The following SMAD3 variants were observed in gnomAD, a reference collection of about 807,000 sequenced individuals.
SMAD3 encodes the protein MAD homolog 3.
In SMAD3, 12 loss-of-function variants were observed where a neutral mutation model predicts 51.8. The ratio of observed to expected loss-of-function variants is 0.23; its 90% CI spans 0.15 to 0.38. The LOEUF (loss-of-function observed/expected upper bound fraction) is 0.38, where lower values mean the gene tolerates loss of function less well. SMAD3 is among the 10% of genes least tolerant of loss of function. The pLI is 1.00. For missense variants in SMAD3, 294 were observed against 565.6 expected, an observed-to-expected ratio of 0.52 and a Z score of 4.87; for synonymous variants, 238 against 227.7, an observed-to-expected ratio of 1.05 and a Z score of -0.41.
At chr15:67,103,314 T>C (rs1292975441) in intron 1 of SMAD3, among the ~76,000 whole-genome samples, 1 of 152,196 alleles carries the variant, frequency 6.6e-6, no homozygotes, top group East Asian at 1.9e-4. Context: ...CATGGCCTCC[T>C]TGGGACTCAC....
chr15:67,180,701 GT>G (rs1483156283), intron 5 of SMAD3, among the ~76,000 whole-genome samples: 3 of 151,970 alleles, frequency 2.0e-5, no homozygotes, highest in African/African-American at 7.3e-5. Context: ...CAGGCTGGGA[GT>G]TTTTGCCCCC....
rs552544204 is a variant in SMAD3 at position 67,096,744 on chromosome 15, T to C, written c.206+30384T>C. ...CTGACTGGCATCCTGGGGCTGGAGGTCTCAGGCTGGTCTTGCACGTGCAGC... is the reference window on the plus strand; with the variant it reads ...CTGACTGGCATCCTGGGGCTGGAGGCCTCAGGCTGGTCTTGCACGTGCAGC... On this transcript the variant is annotated intron_variant, in intron 1 of 8. Transcript: ENST00000327367. Among the ~76,000 whole-genome samples, 7 of 151,768 alleles carry C rather than the reference T, an allele frequency of 4.6e-5. No homozygotes were observed. The South Asian group carries it at 8.3e-4, about 18-fold the overall frequency.
At chr15:67,113,381 C>T (rs1022679487) in intron 1 of SMAD3, among the ~76,000 whole-genome samples, 5 of 151,906 alleles carry the variant, frequency 3.3e-5, no homozygotes, top group African/African-American at 4.8e-5. Context: ...TAAGCCACTG[C>T]GCCCGGCCTT....
intron 1 of SMAD3, among the ~76,000 whole-genome samples, chr15:67,103,662 G>A (rs1037206584): frequency 8.5e-5 from 13 of 152,152 alleles, no homozygotes; most frequent in African/African-American, 3.1e-4. Context: ...GAATGTGTGT[G>A]GGGTGTGGGC....
intron 3 of SMAD3, 79 bp from the exon 4 acceptor site, chr15:67,166,700 G>A (rs746073044): frequency 4.6e-5 from 41 of 887,888 alleles, no homozygotes; most frequent in Admixed American, 3.4e-4. Flanking sequence ...TGGTGTGCAT[G>A]TGTGATGTCT....
At position 67,165,344 on chromosome 15, in the gene SMAD3, T is replaced by C. The variant is rs1205077419; in HGVS notation, c.492T>C (p.Thr164=). The part of the protein sequence containing the change: ...DDYSHSIPEN[T]NFPAGIEPQS... The stretch of plus-strand genomic sequence containing the variant: ...ACAGCCATTCCATCCCCGAAAACAC[T>C]AACTTCCCCGCAGGCATCGAGCCCC... Residue 164 remains threonine (T), a synonymous_variant, in exon 3 of 9, where the codon ACT becomes ACC. Transcript: ENST00000327367. 1 of 1,613,936 alleles carries C rather than the reference T, an allele frequency of 6.2e-7. No homozygotes were observed. Among genetic ancestry groups the C allele is most frequent in the Non-Finnish European group, 8.5e-7 (1 of 1,179,972 alleles).
intron 1 of SMAD3, among the ~76,000 whole-genome samples, chr15:67,107,401 A>G (rs1960903183): frequency 6.6e-6 from 1 of 152,094 alleles, no homozygotes; most frequent in South Asian, 2.1e-4. Context: ...CCTTCTTCCC[A>G]GGGTGAGATT....
Position 67,135,126 on chromosome 15 carries a change from C to T in SMAD3, c.207-29769C>T, listed in dbSNP as rs962743801. On this transcript the variant is annotated intron_variant, in intron 1 of 8. Coordinates refer to ENST00000327367, the MANE Select transcript of SMAD3 (RefSeq NM_005902.4). The stretch of plus-strand genomic sequence containing the variant: ...TTGGAGCCACAGGAGAGAAGATGGC[C>T]GGGAAGAGCTGTGTTTGGAAGGTTC... 5.9e-5 allele frequency among the ~76,000 whole-genome samples: 9 copies of T among 152,230 alleles called. No homozygotes were observed. In the South Asian group the frequency reaches 8.3e-4, roughly 14 times the overall value.
intron 1 of SMAD3, among the ~76,000 whole-genome samples, chr15:67,089,578 G>C (rs1471107793): frequency 6.6e-6 from 1 of 152,190 alleles, no homozygotes; most frequent in Non-Finnish European, 1.5e-5. Context: ...TGTCTACACT[G>C]TGTTGCCTCA....
chr15:67,078,746 T>C (rs995996135), intron 1 of SMAD3, among the ~76,000 whole-genome samples: 5 of 152,202 alleles, frequency 3.3e-5, no homozygotes, highest in Admixed American at 2.6e-4. Flanking sequence ...AGGGGCAGCC[T>C]ATTGCTGCGG....
intron 1 of SMAD3, among the ~76,000 whole-genome samples, chr15:67,091,414 C>G (rs1960506097): frequency 6.6e-6 from 1 of 152,214 alleles, no homozygotes; most frequent in Non-Finnish European, 1.5e-5. Flanking sequence ...TGCGGTGATA[C>G]ATGATGTGAC....
chr15:67,142,058 C>A (rs1000459401), intron 1 of SMAD3, among the ~76,000 whole-genome samples: 5 of 152,194 alleles, frequency 3.3e-5, no homozygotes, highest in African/African-American at 9.7e-5. Flanking sequence ...GTCACTTGCT[C>A]AAGGCCACGT....
intron 1 of SMAD3, among the ~76,000 whole-genome samples, chr15:67,145,048 G>A (rs902844581): frequency 1.3e-5 from 2 of 152,298 alleles, no homozygotes; most frequent in Admixed American, 1.3e-4. Flanking sequence ...AGGGTGGAGT[G>A]TGTTGCTGGG....
chr15:67,181,888 C>T (rs533275251), intron 6 of SMAD3, among the ~76,000 whole-genome samples: 7 of 151,522 alleles, frequency 4.6e-5, no homozygotes, highest in East Asian at 1.9e-4. Context: ...TGGGTTCAAG[C>T]GATTCTCCTG....
At chr15:67,079,598 A>C (rs1297388573) in intron 1 of SMAD3, among the ~76,000 whole-genome samples, 1 of 152,166 alleles carries the variant, frequency 6.6e-6, no homozygotes, top group African/African-American at 2.4e-5. Flanking sequence ...TACGTGTTGC[A>C]TGGACTGAGT....
At chr15:67,106,720 G>A (rs1039733869) in intron 1 of SMAD3, among the ~76,000 whole-genome samples, 12 of 152,212 alleles carry the variant, frequency 7.9e-5, no homozygotes, top group African/African-American at 2.2e-4. Context: ...CTTCCTTTGG[G>A]GTCTGTCCCC....
At chr15:67,172,998 G>A (rs1006385234) in intron 5 of SMAD3, among the ~76,000 whole-genome samples, 1 of 152,180 alleles carries the variant, frequency 6.6e-6, no homozygotes, top group Admixed American at 6.5e-5. Flanking sequence ...GTGGGGGATT[G>A]GAAGAGGGAC....
At chr15:67,165,407 C>T (rs1276451234) in intron 3 of SMAD3, 23 bp downstream of exon 3, 1 of 1,613,292 alleles carries the variant, frequency 6.2e-7, no homozygotes, top group Non-Finnish European at 8.5e-7. Context: ...GCGGCACAGG[C>T]TGGCCTGGGA....
intron 1 of SMAD3, among the ~76,000 whole-genome samples, chr15:67,082,823 TG>T (rs1960306506): frequency 1.3e-5 from 2 of 152,214 alleles, no homozygotes; most frequent in Admixed American, 1.3e-4. Flanking sequence ...ATCTAGGAGC[TG>T]GGATAACTTG....
Sources: gnomAD v4.1 joint callset for allele counts (sites outside exome capture counted in the v4.1 genomes callset) on GRCh38, gnomAD v4.1.1 for gene constraint, MANE v1.5 for transcripts, NCBI Gene and HGNC (gene_info 2026-07-23, HGNC 2026-07-21) for gene names.